Variants in PPFIBP2 observed in about 807,000 individuals in gnomAD.
The protein encoded by PPFIBP2 is PPFIB scaffold protein 2.
Under a neutral mutation model 118.3 loss-of-function variants are expected in PPFIBP2, and 118 were observed. The observed-to-expected ratio is 1.00, with a 90% CI of 0.86 to 1.16. PPFIBP2 has a LOEUF of 1.16. Among genes scored for constraint, PPFIBP2 ranks in the 50% most tolerant of loss-of-function variants. PPFIBP2 has a pLI of 0.00. For synonymous variants in PPFIBP2, 414 were observed against 397.4 expected (o/e 1.04, Z -0.50); for missense variants, 1,195 against 1,073.1 (o/e 1.11, Z -1.59).
At chr11:7,585,146 T>G (rs138931266) in intron 3 of PPFIBP2, among the ~76,000 whole-genome samples, 9 of 152,296 alleles carry the variant, frequency 5.9e-5, no homozygotes, top group African/African-American at 2.2e-4. Flanking sequence ...GTATGTACTG[T>G]GGCCAAGATC....
In PPFIBP2 at chr11:7,641,549, A is replaced by G. The variant is rs570460433; in HGVS notation, c.1446A>G (p.Glu482=). 24 of 1,613,632 alleles carry G rather than the reference A, an allele frequency of 1.5e-5. No individual in the cohort carries two copies. The highest frequency in any genetic ancestry group is 2.0e-5 in the Non-Finnish European group (24 of 1,179,568). The change falls in exon 16 of 24, where the codon GAA becomes GAG. Residue 482 remains glutamate (E), a synonymous_variant. Transcript: ENST00000299492. The part of the protein sequence containing the change: ...NDLSSTSSGT[E]SGPQSPLTPD... Reference sequence around the variant, plus strand: ...TCTCATCCACATCATCGGGCACTGAATCAGGTCCTCAGTCTCCTCTGACAC... The same window carrying G: ...TCTCATCCACATCATCGGGCACTGAGTCAGGTCCTCAGTCTCCTCTGACAC...
chr11:7,553,895 A>C (rs1853278361), intron 2 of PPFIBP2, among the ~76,000 whole-genome samples: 1 of 152,170 alleles, frequency 6.6e-6, no homozygotes, highest in African/African-American at 2.4e-5. Context: ...GGAGAAAAGA[A>C]TTAACTGAGG....
chr11:7,656,751 C>T (rs1253178754), downstream of PPFIBP2: 4 of 1,289,734 alleles, frequency 3.1e-6, no homozygotes, highest in African/African-American at 6.1e-5. Context: ...GGACCAGCTG[C>T]TGAATGACTC....
the PPFIBP2 span, chr11:7,665,613 T>G: frequency 2.7e-6 from 4 of 1,492,390 alleles, no homozygotes; most frequent in South Asian, 4.0e-5. Context: ...CCAGGCCGCC[T>G]GCACACCCAC....
At chr11:7,553,571 C>G (rs376997686) in intron 2 of PPFIBP2, among the ~76,000 whole-genome samples, 3 of 152,146 alleles carry the variant, frequency 2.0e-5, no homozygotes, top group African/African-American at 7.2e-5. Context: ...TGAATCCCAG[C>G]TCAGCCATTT....
intron 1 of PPFIBP2, among the ~76,000 whole-genome samples, chr11:7,541,561 C>G (rs1175139180): frequency 6.6e-6 from 1 of 152,178 alleles, no homozygotes; most frequent in Non-Finnish European, 1.5e-5. Flanking sequence ...CCTCTTCTCC[C>G]CGGTGGCTGC....
chr11:7,627,323 C>A (rs1850155736), intron 8 of PPFIBP2, among the ~76,000 whole-genome samples: 1 of 152,214 alleles, frequency 6.6e-6, no homozygotes, highest in Non-Finnish European at 1.5e-5. Context: ...GCAAGCAATT[C>A]TCCACTTTAT....
intron 17 of PPFIBP2, among the ~76,000 whole-genome samples, chr11:7,646,385 G>T (rs7130601): frequency 6.6e-6 from 1 of 152,024 alleles, no homozygotes; most frequent in Non-Finnish European, 1.5e-5. Context: ...AAAAATGTAC[G>T]TGACAATACC....
At chr11:7,602,500 T>G (rs1846794760) in intron 5 of PPFIBP2, among the ~76,000 whole-genome samples, 1 of 152,172 alleles carries the variant, frequency 6.6e-6, no homozygotes, top group Non-Finnish European at 1.5e-5. Context: ...CTCTGATCAC[T>G]GACCCTTCTC....
intron 17 of PPFIBP2, 66 bp from the exon 18 acceptor site, chr11:7,648,321 A>G: frequency 6.7e-7 from 1 of 1,498,998 alleles, no homozygotes; most frequent in Non-Finnish European, 9.1e-7. Context: ...TGTTTGTGAG[A>G]CATGATTAGA....
At chr11:7,552,995 G>A (rs1049814408) in intron 2 of PPFIBP2, among the ~76,000 whole-genome samples, 6 of 152,254 alleles carry the variant, frequency 3.9e-5, no homozygotes, top group South Asian at 4.2e-4. Flanking sequence ...CTCTGCCACT[G>A]TATCTCCAGT....
In PPFIBP2 at chr11:7,625,868, AC is replaced by A; in HGVS notation, c.804del (p.His268GlnfsTer15). 1 of 1,614,212 alleles carries A rather than the reference AC, an allele frequency of 6.2e-7. No homozygotes were observed. Among genetic ancestry groups the A allele is most frequent in the African/African-American group, 1.3e-5 (1 of 75,076 alleles). ...HSQLSRTAAL[H>X]SESHTERDQE... ...CAGCTCTCCCGGACAGCAGCTCTCC[AC>A]AGTGAGAGTCACACAGAGAGAGGTG... On this transcript the variant is annotated frameshift_variant, in exon 8 of 24. Transcript: ENST00000299492. LOFTEE classifies it high-confidence loss of function.
chr11:7,637,083 C>T (rs1450407246), intron 14 of PPFIBP2, among the ~76,000 whole-genome samples: 1 of 152,216 alleles, frequency 6.6e-6, no homozygotes, highest in Non-Finnish European at 1.5e-5. Flanking sequence ...AAAAGTCAAT[C>T]TCCCCTACTC....
intron 17 of PPFIBP2, among the ~76,000 whole-genome samples, chr11:7,645,411 CTG>C (rs1852913095): frequency 6.6e-6 from 1 of 152,222 alleles, no homozygotes; most frequent in Admixed American, 6.5e-5. Context: ...TCTCCCCCTA[CTG>C]TGAGAAGAGC....
At chr11:7,644,581 T>G (rs1190718658) in intron 17 of PPFIBP2, among the ~76,000 whole-genome samples, 1 of 152,080 alleles carries the variant, frequency 6.6e-6, no homozygotes, top group Admixed American at 6.5e-5. Flanking sequence ...CCATTTTGTT[T>G]CCTTTTCCTA....
At chr11:7,659,301 C>T (rs1466626601), downstream of PPFIBP2, among the ~76,000 whole-genome samples, 1 of 149,260 alleles carries the variant, frequency 6.7e-6, no homozygotes, top group Middle Eastern at 3.4e-3. Flanking sequence ...GTCTTTAATC[C>T]ATCTTGAATT....
intron 22 of PPFIBP2, 28 bp downstream of exon 22, chr11:7,650,993 T>G: frequency 6.2e-7 from 1 of 1,605,220 alleles, no homozygotes; most frequent in Non-Finnish European, 8.5e-7. Flanking sequence ...CTAGCCCACC[T>G]GCCTTGGTGC....
intron 5 of PPFIBP2, among the ~76,000 whole-genome samples, chr11:7,609,415 A>G (rs1847797700): frequency 6.6e-6 from 1 of 152,190 alleles, no homozygotes; most frequent in African/African-American, 2.4e-5. Flanking sequence ...CTCATAGGAC[A>G]TTGCCCTTTG....
At chr11:7,590,219 C>T (rs1858987672) in intron 3 of PPFIBP2, among the ~76,000 whole-genome samples, 1 of 152,232 alleles carries the variant, frequency 6.6e-6, no homozygotes, top group African/African-American at 2.4e-5. Context: ...GGCCTATGCC[C>T]TTCTGAAGAA....
Sources: allele counts gnomAD v4.1 joint callset (sites outside exome capture counted in the v4.1 genomes callset), GRCh38; gene constraint gnomAD v4.1.1; transcripts MANE v1.5; gene names NCBI Gene and HGNC (gene_info 2026-07-23, HGNC 2026-07-21).